Variants in GAL observed in about 807,000 individuals in gnomAD.
The protein encoded by GAL is galanin peptides.
GAL carries 14 observed loss-of-function variants against 15.8 expected under a neutral mutation model. The observed-to-expected ratio is 0.89, with a 90% confidence interval of 0.59 to 1.39. GAL has a LOEUF of 1.39. Ranked by LOEUF, GAL falls within the 40% of genes most tolerant of loss-of-function variation. GAL has a pLI of 0.00. For synonymous variants in GAL, 79 were observed against 73.8 expected (o/e 1.07, Z -0.36); for missense variants, 176 against 170.4 (o/e 1.03, Z -0.18).
intron 2 of GAL, 28 bp from the exon 3 acceptor site, chr11:68,685,566 G>T: frequency 6.4e-7 from 1 of 1,567,890 alleles, no homozygotes; most frequent in Non-Finnish European, 8.8e-7. Flanking sequence ...CACAGCCCTG[G>T]CATCTGATCC....
At chr11:68,687,698 C>T (rs1052152817) in intron 3 of GAL, among the ~76,000 whole-genome samples, 2 of 152,232 alleles carry the variant, frequency 1.3e-5, no homozygotes, top group African/African-American at 2.4e-5. Flanking sequence ...ATGCCAGCTC[C>T]TCTGGACCCA....
chr11:68,685,646 C>T lies in GAL; in HGVS notation c.134C>T (p.Pro45Leu), dbSNP rs1421258394. Residue 45 changes from proline to leucine, a missense_variant and splice_region_variant, in exon 3 of 6, where the codon CCA becomes CTA. Physicochemically the swap from Pro to Leu is moderately conservative, Grantham distance 98. Transcript: ENST00000265643. ...AACAGCGCGGGCTACCTGCTGGGCC[C>T]ACGTAAGTGACTGACAGCATGGCCT... is the stretch of plus-strand genomic sequence containing the variant. ...TLNSAGYLLG[P>L]HAVGNHRSFS... 6 of 1,610,548 alleles carry T rather than the reference C, an allele frequency of 3.7e-6. No individual in the cohort carries two copies. The highest frequency in any genetic ancestry group is 2.7e-5 in the African/African-American group (2 of 74,972).
intron 3 of GAL, among the ~76,000 whole-genome samples, 198 bp from the exon 4 acceptor site, chr11:68,687,816 C>G (rs1318800576): frequency 5.3e-5 from 8 of 152,182 alleles, no homozygotes; most frequent in African/African-American, 1.7e-4. Flanking sequence ...CCCTTTGACC[C>G]TGGTGTGAGC....
intron 2 of GAL, 33 bp downstream of exon 2, chr11:68,685,037 G>A: frequency 6.9e-7 from 1 of 1,454,824 alleles, no homozygotes; most frequent in African/African-American, 1.4e-5. Context: ...CCGAGCGAAG[G>A]GGACATCAGA....
chr11:68,688,371 G>A (rs1310556498), intron 4 of GAL, among the ~76,000 whole-genome samples: 1 of 152,244 alleles, frequency 6.6e-6, no homozygotes, highest in African/African-American at 2.4e-5. Context: ...GCTCCTGCCT[G>A]TAATCCCAGC....
At chr11:68,685,831 C>CCCCGGCTCTGCCGCCCTGT (rs1318874078) in intron 3 of GAL, among the ~76,000 whole-genome samples, 183 bp downstream of exon 3, 3 of 152,216 alleles carry the variant, frequency 2.0e-5, no homozygotes, top group Non-Finnish European at 4.4e-5. Context: ...GCTTCTCCTG[C>CCCCGGCTCTGCCGCCCTGT]CCCGGCTCTG....
At chr11:68,689,905 C>T (rs143829231) in intron 5 of GAL, among the ~76,000 whole-genome samples, 6 of 152,326 alleles carry the variant, frequency 3.9e-5, no homozygotes, top group Non-Finnish European at 7.3e-5. Context: ...GGGCATCTGG[C>T]CTTGATCAGA....
intron 3 of GAL, among the ~76,000 whole-genome samples, chr11:68,685,920 A>C (rs1194351769): frequency 6.6e-6 from 1 of 152,088 alleles, no homozygotes; most frequent in African/African-American, 2.4e-5. Context: ...CAGTCCTTAC[A>C]GGCCCTGTTC....
At chr11:68,689,406 T>TCTTC (rs559824614) in intron 5 of GAL, among the ~76,000 whole-genome samples, 5 of 151,756 alleles carry the variant, frequency 3.3e-5, no homozygotes, top group Non-Finnish European at 1.5e-5. Flanking sequence ...TCTCTCTCTT[T>TCTTC]CTTCCTTCCT....
In GAL at chr11:68,688,665, G is replaced by A. The variant is rs1160492842; in HGVS notation, c.224-184G>A. 5.9e-5 allele frequency among the ~76,000 whole-genome samples: 9 copies of A among 152,080 alleles called. No individual in the cohort carries two copies. The Middle Eastern group carries it at 0.017, about 287-fold the overall frequency. ...AGAAGAAGAAGAAAAGCGAGGCCTC[G>A]AACTGGATATCTCCCCAACTCCCTC... On this transcript the variant is annotated intron_variant, in intron 4 of 5. Transcript: ENST00000265643.
chr11:68,690,725 C>T (rs1945896894), intron 5 of GAL, among the ~76,000 whole-genome samples, 192 bp from the exon 6 acceptor site: 1 of 152,174 alleles, frequency 6.6e-6, no homozygotes, highest in East Asian at 1.9e-4. Context: ...GTTTTAAATG[C>T]TTACTAACTG....
chr11:68,685,479 C>T, intron 2 of GAL, 115 bp from the exon 3 acceptor site: 1 of 745,178 alleles, frequency 1.3e-6, no homozygotes, highest in East Asian at 2.7e-5. Context: ...GCGAGCTATC[C>T]AAAAGCACAT....
At chr11:68,685,046 G>C in intron 2 of GAL, 42 bp downstream of exon 2, 1 of 1,358,056 alleles carries the variant, frequency 7.4e-7, no homozygotes, top group Non-Finnish European at 1.0e-6. Context: ...GGGGACATCA[G>C]AGCCGGCCGG....
chr11:68,686,196 T>C (rs1247177274), intron 3 of GAL, among the ~76,000 whole-genome samples: 2 of 152,090 alleles, frequency 1.3e-5, no homozygotes, highest in Non-Finnish European at 2.9e-5. Context: ...CTGCCTGAGG[T>C]GAGCCCTAGC....
chr11:68,690,265 G>GC, intron 5 of GAL, among the ~76,000 whole-genome samples: 1 of 152,264 alleles, frequency 6.6e-6, no homozygotes, highest in Middle Eastern at 3.4e-3. Context: ...GGGATGGACC[G>GC]TTAGCCTCTC....
intron 3 of GAL, among the ~76,000 whole-genome samples, chr11:68,686,226 G>A (rs988583427): frequency 3.3e-5 from 5 of 152,048 alleles, no homozygotes; most frequent in Non-Finnish European, 7.4e-5. Flanking sequence ...GACACTGCAG[G>A]CTGACACCTC....
rs1230943823 is a variant in GAL, at chr11:68,684,928, C to T, written c.5C>T (p.Ala2Val). The T allele has an allele frequency of 6.2e-7, 1 of 1,604,524 alleles. No individual in the cohort carries two copies. The highest frequency in any genetic ancestry group is 1.1e-5 in the South Asian group (1 of 90,284). The change falls in exon 2 of 6, where the codon GCC becomes GTC. Residue 2 changes from alanine to valine, a missense_variant. Coordinates refer to ENST00000265643, the MANE Select transcript of GAL (RefSeq NM_015973.5). ...CGCCCTGTCCTTCCCTTCCAGATGG[C>T]CCGAGGCAGCGCCCTCCTGCTCGCC... The part of the protein sequence containing the change: M[A>V]RGSALLLASL...
chr11:68,686,802 C>T (rs569081937), intron 3 of GAL, among the ~76,000 whole-genome samples: 12 of 152,322 alleles, frequency 7.9e-5, no homozygotes, highest in Non-Finnish European at 1.5e-4. Context: ...ACTCAGAGGG[C>T]ACCTCATCTT....
rs778168970 is a variant in GAL, at chr11:68,688,051, T to G, written c.174T>G (p.Asn58Lys). 5 of 1,613,180 alleles carry G rather than the reference T, an allele frequency of 3.1e-6. No individual in the cohort carries two copies. The highest frequency in any genetic ancestry group is 3.4e-6 in the Non-Finnish European group (4 of 1,179,412). The change falls in exon 4 of 6, where the codon AAT (asparagine) becomes AAG (lysine). Residue 58 changes from asparagine to lysine, a missense_variant. Transcript: ENST00000265643. The part of the protein sequence containing the change: ...VGNHRSFSDK[N>K]GLTSKRELRP... ...ACCACAGGTCATTCAGCGACAAGAA[T>G]GGCCTCACCAGCAAGCGGGAGCTGC... is the stretch of plus-strand genomic sequence containing the variant.
Sources: gnomAD v4.1 joint callset for allele counts (sites outside exome capture counted in the v4.1 genomes callset) on GRCh38, gnomAD v4.1.1 for gene constraint, MANE v1.5 for transcripts, NCBI Gene and HGNC (gene_info 2026-07-23, HGNC 2026-07-21) for gene names.